The following PRIM2 variants were observed in gnomAD, a reference collection of about 807,000 sequenced individuals.
The protein encoded by PRIM2 is DNA primase subunit 2, also known as DNA primase large subunit.
PRIM2 carries 39 observed loss-of-function variants against 67.3 expected under a neutral mutation model. That is an observed-to-expected ratio of 0.58 (90% confidence interval 0.45 to 0.76). The LOEUF is 0.76. Ranked by LOEUF, PRIM2 falls within the 30% of genes least tolerant of loss-of-function variation. The probability of loss-of-function intolerance (pLI) is 0.00; values close to 1 mark genes in which losing one functional copy is unlikely to be tolerated. For missense variants in PRIM2, 398 were observed against 598.7 expected, an observed-to-expected ratio of 0.66 and a Z score of 3.50; for synonymous variants, 143 against 198.7, an observed-to-expected ratio of 0.72 and a Z score of 2.36.
chr6:57,537,035 A>G (rs1178669629), intron 9 of PRIM2, among the ~76,000 whole-genome samples: 5 of 152,210 alleles, frequency 3.3e-5, no homozygotes, highest in Non-Finnish European at 7.3e-5. Context: ...CAATGTCAGT[A>G]TCCTGTTTGT....
upstream of PRIM2, among the ~76,000 whole-genome samples, chr6:57,313,661 G>A (rs535483220): frequency 2.0e-5 from 3 of 152,266 alleles, no homozygotes; most frequent in South Asian, 2.1e-4. Flanking sequence ...GAGGGCCAGA[G>A]GTTGGCTAAC....
intron 5 of PRIM2, among the ~76,000 whole-genome samples, chr6:57,371,700 C>G (rs1451227471): frequency 1.3e-5 from 2 of 152,156 alleles, no homozygotes; most frequent in Non-Finnish European, 2.9e-5. Flanking sequence ...AGGTTGGATG[C>G]TTACTTAAAA....
chr6:57,603,978 T>C (rs1369214979), intron 11 of PRIM2, among the ~76,000 whole-genome samples: 1 of 152,218 alleles, frequency 6.6e-6, no homozygotes, highest in East Asian at 1.9e-4. Context: ...TTGATTTGGC[T>C]GTCAGCTTGA....
At chr6:57,333,809 G>A (rs1768135042) in intron 5 of PRIM2, among the ~76,000 whole-genome samples, 1 of 151,804 alleles carries the variant, frequency 6.6e-6, no homozygotes. Flanking sequence ...ATATAAAATT[G>A]TATGTATTCA....
chr6:57,403,726 A>G (rs1770792365), intron 7 of PRIM2, among the ~76,000 whole-genome samples: 1 of 152,166 alleles, frequency 6.6e-6, no homozygotes, highest in South Asian at 2.1e-4. Context: ...ATTTTATCAT[A>G]TAGAAATAAT....
chr6:57,518,767 T>A (rs2127463398), intron 8 of PRIM2, among the ~76,000 whole-genome samples: 1 of 152,352 alleles, frequency 6.6e-6, no homozygotes, highest in East Asian at 1.9e-4. Flanking sequence ...TTTTATCTTT[T>A]GTTTTGGGAC....
chr6:57,291,625 G>C, the PRIM2 span, among the ~76,000 whole-genome samples: 1 of 152,176 alleles, frequency 6.6e-6, no homozygotes, highest in Non-Finnish European at 1.5e-5. Flanking sequence ...GAATCCAGCA[G>C]CACATCAAAA....
Position 57,431,808 on chromosome 6 carries a change from T to G in PRIM2, c.693+49640T>G, listed in dbSNP as rs1386467737. Among the ~76,000 whole-genome samples the G allele has an allele frequency of 5.3e-5, 8 of 152,316 alleles. No individual in the cohort carries two copies. The South Asian group carries it at 1.7e-3, about 32-fold the overall frequency. ...CTAGTTTTGATAACTTCACTGTGTT[T>G]ACCTTATCTCTCTTCCTTCACTAAT... On this transcript the variant is annotated intron_variant, in intron 7 of 13. Transcript: ENST00000615550.
At chr6:57,350,573 G>C (rs1334826893) in intron 5 of PRIM2, among the ~76,000 whole-genome samples, 5 of 152,098 alleles carry the variant, frequency 3.3e-5, no homozygotes, top group Admixed American at 2.6e-4. Context: ...GTAGGTCGGG[G>C]TGATCTCTTT....
intron 8 of PRIM2, among the ~76,000 whole-genome samples, chr6:57,509,649 A>T (rs1179242865): frequency 6.6e-6 from 1 of 152,072 alleles, no homozygotes; most frequent in East Asian, 1.9e-4. Flanking sequence ...TAACACTGAG[A>T]TCCTAATTTC....
chr6:57,471,683 A>G (rs1231410345), intron 7 of PRIM2, among the ~76,000 whole-genome samples: 2 of 152,222 alleles, frequency 1.3e-5, no homozygotes, highest in Non-Finnish European at 2.9e-5. Context: ...CTGGAGGTGA[A>G]TGGATGAACA....
intron 11 of PRIM2, among the ~76,000 whole-genome samples, chr6:57,602,339 C>A (rs1229528992): frequency 6.6e-6 from 1 of 152,200 alleles, no homozygotes; most frequent in Admixed American, 6.5e-5. Flanking sequence ...GCCTGAGCCA[C>A]CACACCCAGC....
chr6:57,349,439 C>G (rs558659839), intron 5 of PRIM2, among the ~76,000 whole-genome samples: 1 of 150,168 alleles, frequency 6.7e-6, no homozygotes, highest in East Asian at 1.9e-4. Context: ...ATGTATGCCA[C>G]TATTTTTTTG....
intron 10 of PRIM2, among the ~76,000 whole-genome samples, chr6:57,543,025 G>GC (rs1479816727): frequency 7.3e-6 from 1 of 136,172 alleles, no homozygotes; most frequent in African/African-American, 2.9e-5. Flanking sequence ...TGCAGGCTCC[G>GC]CCCCCTGGGC....
the PRIM2 span, among the ~76,000 whole-genome samples, chr6:57,232,995 T>C: frequency 6.6e-6 from 1 of 152,240 alleles, no homozygotes; most frequent in Admixed American, 6.5e-5. Flanking sequence ...CTCTGGCTAG[T>C]ACAGGAGAAA....
intron 7 of PRIM2, among the ~76,000 whole-genome samples, chr6:57,414,823 T>G (rs1771205202): frequency 6.6e-6 from 1 of 152,180 alleles, no homozygotes; most frequent in African/African-American, 2.4e-5. Context: ...CTTTTATTTC[T>G]GTTTCTTTTA....
intron 7 of PRIM2, among the ~76,000 whole-genome samples, chr6:57,429,380 T>TG (rs1771744703): frequency 6.6e-6 from 1 of 152,256 alleles, no homozygotes; most frequent in South Asian, 2.1e-4. Flanking sequence ...TTATTGAGAA[T>TG]GGGGGATTTT....
the PRIM2 span, among the ~76,000 whole-genome samples, chr6:57,229,592 A>C: frequency 3.9e-5 from 6 of 152,104 alleles, no homozygotes; most frequent in African/African-American, 1.4e-4. Flanking sequence ...GGTTCAAGCA[A>C]TTCTCTTGCC....
At chr6:57,608,775 C>G (rs1243496712) in intron 12 of PRIM2, among the ~76,000 whole-genome samples, 1 of 150,976 alleles carries the variant, frequency 6.6e-6, no homozygotes, top group Admixed American at 6.6e-5. Context: ...GCTTAAGCAT[C>G]ATAGGATTGT....
Sources: gnomAD v4.1 joint callset for allele counts (sites outside exome capture counted in the v4.1 genomes callset) on GRCh38, gnomAD v4.1.1 for gene constraint, MANE v1.5 for transcripts, NCBI Gene and HGNC (gene_info 2026-07-23, HGNC 2026-07-21) for gene names.